CAST: variants seen among roughly 807,000 people sequenced by gnomAD.
CAST encodes MIR583 host.
In CAST, 76 loss-of-function variants were observed where a neutral mutation model predicts 119.6. The ratio of observed to expected loss-of-function variants is 0.64; its 90% CI spans 0.53 to 0.77. The LOEUF (loss-of-function observed/expected upper bound fraction) is 0.77. Among genes scored for constraint, CAST ranks in the 30% least tolerant of loss-of-function variants. CAST has a pLI of 0.00. For synonymous variants in CAST, 319 were observed against 331.6 expected, an observed-to-expected ratio of 0.96 and a Z score of 0.41; for missense variants, 953 against 946.5, an observed-to-expected ratio of 1.01 and a Z score of -0.09.
At chr5:96,337,517 G>T in the CAST span, among the ~76,000 whole-genome samples, 1 of 152,162 alleles carries the variant, frequency 6.6e-6, no homozygotes, top group African/African-American at 2.4e-5. Context: ...GTAAGATGCC[G>T]CAAAGCTCAG....
chr5:96,361,835 C>CTT, the CAST span, among the ~76,000 whole-genome samples: 1 of 65,494 alleles, frequency 1.5e-5, no homozygotes, highest in Non-Finnish European at 3.2e-5. Context: ...TGCTTCTTTT[C>CTT]TTTTTTTTTT....
chr5:95,993,555 G>A, the CAST span, among the ~76,000 whole-genome samples: 2 of 152,130 alleles, frequency 1.3e-5, no homozygotes, highest in African/African-American at 2.4e-5. Context: ...AGTTCAGTAT[G>A]TGCCAAGTTT....
intron 1 of CAST, among the ~76,000 whole-genome samples, chr5:96,640,046 T>C (rs1366000495): frequency 1.3e-5 from 2 of 152,196 alleles, no homozygotes; most frequent in Admixed American, 1.3e-4. Context: ...CAAAGATTAC[T>C]TAGTAAAATA....
chr5:96,700,229 A>G (rs1753722527), intron 3 of CAST, among the ~76,000 whole-genome samples: 1 of 152,194 alleles, frequency 6.6e-6, no homozygotes, highest in South Asian at 2.1e-4. Flanking sequence ...TATTTTAATA[A>G]TTATGCTTAT....
chr5:96,677,323 T>A (rs1202422687), intron 2 of CAST, among the ~76,000 whole-genome samples: 1 of 152,196 alleles, frequency 6.6e-6, no homozygotes, highest in African/African-American at 2.4e-5. Flanking sequence ...ACTAATATGG[T>A]CATTCTGGCC....
the CAST span, among the ~76,000 whole-genome samples, chr5:96,126,695 T>C: frequency 5.9e-5 from 9 of 152,152 alleles, no homozygotes; most frequent in Non-Finnish European, 1.2e-4. Flanking sequence ...ATTATAGTTA[T>C]TTGTTTATCT....
chr5:96,742,371 G>C (rs1264370208), intron 15 of CAST: 1 of 273,142 alleles, frequency 3.7e-6, no homozygotes, highest in Non-Finnish European at 6.9e-6. Flanking sequence ...GTATTTTATA[G>C]TAATATTACT....
the CAST span, chr5:96,391,034 G>T: frequency 3.3e-5 from 5 of 152,400 alleles, no homozygotes; most frequent in Non-Finnish European, 5.9e-5. Context: ...TGGCCTTTCC[G>T]GGCCAATCTA....
chr5:96,188,513 T>A, the CAST span, among the ~76,000 whole-genome samples: 1 of 152,166 alleles, frequency 6.6e-6, no homozygotes, highest in Non-Finnish European at 1.5e-5. Context: ...TTGTTTTTGG[T>A]TGTAACTTTT....
At chr5:96,412,426 A>G in the CAST span, 1 of 1,614,022 alleles carries the variant, frequency 6.2e-7, no homozygotes, top group Admixed American at 1.7e-5. Flanking sequence ...CCACGTGTCC[A>G]GGATTGAATC....
the CAST span, among the ~76,000 whole-genome samples, chr5:95,977,336 A>T: frequency 6.6e-6 from 1 of 152,244 alleles, no homozygotes; most frequent in Non-Finnish European, 1.5e-5. Context: ...GCCATTTTGT[A>T]AGGTCTCTAA....
the CAST span, among the ~76,000 whole-genome samples, chr5:96,469,996 G>A: frequency 4.6e-4 from 70 of 150,624 alleles, no homozygotes; most frequent in African/African-American, 1.6e-3. Flanking sequence ...CAAAATGTAA[G>A]CATTACATTT....
At chr5:96,039,150 G>T in the CAST span, among the ~76,000 whole-genome samples, 2 of 152,096 alleles carry the variant, frequency 1.3e-5, no homozygotes, top group East Asian at 3.9e-4. Context: ...TCATATATCT[G>T]TTGGCTGCAT....
chr5:96,058,054 A>ATG, the CAST span, among the ~76,000 whole-genome samples: 90 of 151,888 alleles, frequency 5.9e-4, no homozygotes, highest in African/African-American at 1.3e-3. Flanking sequence ...TATTTAAAAT[A>ATG]TGTGTGTGTG....
rs114728576 is a variant in CAST, at chr5:96,721,085, T to C, written c.211-1554T>C. ...GATATTCATATATTTATCCATTAAT[T>C]TGATAGAGGGAAAATCTGTCTTGGT... On this transcript the variant is annotated intron_variant, in intron 3 of 31. Transcript: ENST00000675179. 3.8e-3 allele frequency among the ~76,000 whole-genome samples: 572 copies of C among 152,284 alleles called. 2 individuals carry two copies. The highest frequency in any genetic ancestry group is 0.013 in the African/African-American group (541 of 41,572).
At chr5:95,992,576 T>C in the CAST span, among the ~76,000 whole-genome samples, 2 of 152,070 alleles carry the variant, frequency 1.3e-5, no homozygotes, top group South Asian at 4.1e-4. Flanking sequence ...GACCAGGAGA[T>C]TGGAGAGACA....
the CAST span, among the ~76,000 whole-genome samples, chr5:96,140,283 A>G: frequency 1.3e-5 from 2 of 152,244 alleles, no homozygotes; most frequent in African/African-American, 4.8e-5. Context: ...TGTGAAATCA[A>G]CATTATTCCT....
At chr5:96,495,983 A>G in the CAST span, among the ~76,000 whole-genome samples, 2 of 152,176 alleles carry the variant, frequency 1.3e-5, no homozygotes, top group Non-Finnish European at 2.9e-5. Flanking sequence ...TTATTGTCTA[A>G]ATAAATTTAT....
At chr5:96,106,449 C>T in the CAST span, among the ~76,000 whole-genome samples, 5 of 151,862 alleles carry the variant, frequency 3.3e-5, no homozygotes, top group Non-Finnish European at 7.4e-5. Flanking sequence ...TTTCAAAGAA[C>T]ATCTTTATTT....
Sources: allele counts gnomAD v4.1 joint callset (sites outside exome capture counted in the v4.1 genomes callset), GRCh38; gene constraint gnomAD v4.1.1; transcripts MANE v1.5; gene names NCBI Gene and HGNC (gene_info 2026-07-23, HGNC 2026-07-21).